The following RBL1 variants were observed in gnomAD, a reference collection of about 807,000 sequenced individuals.
RBL1 encodes the protein retinoblastoma-like protein 1.
In RBL1, 82 loss-of-function variants were observed where a neutral mutation model predicts 123.0. The observed-to-expected ratio is 0.67, with a 90% confidence interval of 0.56 to 0.80. RBL1 has a LOEUF of 0.80. Ranked by LOEUF, RBL1 falls within the 30% of genes least tolerant of loss-of-function variation. RBL1 has a pLI of 0.00. For missense variants in RBL1, 1,171 were observed against 1,299.6 expected (o/e 0.90, Z 1.52); for synonymous variants, 405 against 441.3 (o/e 0.92, Z 1.03).
intron 19 of RBL1, among the ~76,000 whole-genome samples, chr20:37,011,578 G>A (rs1439537286): frequency 1.3e-5 from 2 of 151,614 alleles, no homozygotes; most frequent in African/African-American, 2.4e-5. Context: ...GGGATTACAA[G>A]TGCTTACCAC....
intron 9 of RBL1, among the ~76,000 whole-genome samples, chr20:37,059,989 A>G (rs2065067942): frequency 6.6e-6 from 1 of 152,056 alleles, no homozygotes. Context: ...CTTGACCAAC[A>G]TGGAGAAACC....
At chr20:37,013,020 C>G (rs2146212749) in intron 19 of RBL1, among the ~76,000 whole-genome samples, 1 of 152,294 alleles carries the variant, frequency 6.6e-6, no homozygotes, top group African/African-American at 2.4e-5. Flanking sequence ...AGGGGCGCCT[C>G]TGCCCTGCTG....
intron 21 of RBL1, among the ~76,000 whole-genome samples, chr20:36,999,703 G>A (rs967901707): frequency 6.6e-5 from 10 of 152,322 alleles, no homozygotes; most frequent in Admixed American, 1.3e-4. Context: ...TGTGTTGGCC[G>A]GGCCGGTCTC....
chr20:37,003,516 A>T (rs1284669904), intron 21 of RBL1, 186 bp downstream of exon 21: 1 of 1,123,136 alleles, frequency 8.9e-7, no homozygotes, highest in East Asian at 3.3e-5. Context: ...CCATGTCAAT[A>T]ATAATGGATT....
chr20:37,037,519 T>G (rs1172236327), intron 14 of RBL1, among the ~76,000 whole-genome samples: 2 of 152,120 alleles, frequency 1.3e-5, no homozygotes, highest in Non-Finnish European at 2.9e-5. Flanking sequence ...TACTAAATAT[T>G]TTTACTATTT....
chr20:37,012,114 C>T (rs2064159549), intron 19 of RBL1, among the ~76,000 whole-genome samples: 1 of 152,244 alleles, frequency 6.6e-6, no homozygotes, highest in Non-Finnish European at 1.5e-5. Context: ...ATCCGCCAGC[C>T]TCGGCCTGCC....
intron 11 of RBL1, among the ~76,000 whole-genome samples, chr20:37,048,972 G>C (rs560259258): frequency 1.3e-5 from 2 of 151,384 alleles, no homozygotes; most frequent in Non-Finnish European, 2.9e-5. Flanking sequence ...GAGGCCGAGG[G>C]GGGTGGATTA....
chr20:37,023,166 G>T (rs575124633), intron 16 of RBL1, among the ~76,000 whole-genome samples: 2 of 151,852 alleles, frequency 1.3e-5, no homozygotes, highest in East Asian at 3.9e-4. Flanking sequence ...CTGTCACCCA[G>T]GCTGGAGTGC....
rs1309151164 is a variant in RBL1 at position 37,022,639 on chromosome 20, T to G, written c.2559+11A>C. Reference sequence around the variant, plus strand: ...ACCATGCCCAGCCTCTTCTCCCAATTTATACATTACCTTTGCCATGATATA... The same window carrying G: ...ACCATGCCCAGCCTCTTCTCCCAATGTATACATTACCTTTGCCATGATATA... On this transcript the variant is annotated intron_variant, in intron 17 of 21. Coordinates refer to ENST00000373664, the MANE Select transcript of RBL1 (RefSeq NM_002895.5). The G allele has an allele frequency of 6.3e-7, 1 of 1,594,596 alleles. No individual in the cohort carries two copies. The highest frequency in any genetic ancestry group is 1.7e-5 in the Admixed American group (1 of 58,044).
At chr20:37,050,989 A>G (rs545388670) in intron 11 of RBL1, among the ~76,000 whole-genome samples, 1 of 152,230 alleles carries the variant, frequency 6.6e-6, no homozygotes, top group South Asian at 2.1e-4. Context: ...ATGATTGTCA[A>G]TCTAGAATTC....
Position 37,026,146 on chromosome 20 carries a change from A to T in RBL1, c.2383-3320T>A, listed in dbSNP as rs573112416. Among the ~76,000 whole-genome samples, 8 of 152,330 alleles carry T rather than the reference A, an allele frequency of 5.3e-5. No individual in the cohort carries two copies. In the South Asian group the frequency reaches 1.7e-3, roughly 32 times the overall value. On this transcript the variant is annotated intron_variant, in intron 16 of 21. Coordinates refer to ENST00000373664, the MANE Select transcript of RBL1 (RefSeq NM_002895.5). Reference sequence around the variant, plus strand: ...TCTTGTTTAAGCTACTATTATTTTCAAACAGCTAAACTGAAATCTAAGAAA... The same window carrying T: ...TCTTGTTTAAGCTACTATTATTTTCTAACAGCTAAACTGAAATCTAAGAAA...
intron 1 of RBL1, among the ~76,000 whole-genome samples, chr20:37,089,412 A>AG (rs139596017): frequency 0.14 from 20,890 of 152,082 alleles, 1,491 homozygotes; most frequent in Non-Finnish European, 0.15. Flanking sequence ...GTAACTCGGG[A>AG]GGCTGAGGTG....
intron 1 of RBL1, among the ~76,000 whole-genome samples, chr20:37,093,699 T>A (rs2065684417): frequency 6.6e-6 from 1 of 150,668 alleles, no homozygotes; most frequent in Non-Finnish European, 1.5e-5. Flanking sequence ...TGGAGTGCAA[T>A]GGCGTGATCT....
chr20:37,089,879 C>T (rs1358012201), intron 1 of RBL1, among the ~76,000 whole-genome samples: 4 of 152,022 alleles, frequency 2.6e-5, no homozygotes, highest in African/African-American at 7.2e-5. Context: ...GGCAAAACTC[C>T]GTCTCTACTA....
At chr20:37,005,930 C>G (rs902684211) in intron 20 of RBL1, among the ~76,000 whole-genome samples, 6 of 114,434 alleles carry the variant, frequency 5.2e-5, no homozygotes, top group Admixed American at 1.2e-4. Flanking sequence ...GGGTCTTGCT[C>G]TGTTGCCCAG....
At position 37,068,204 on chromosome 20, in the gene RBL1, G is replaced by GAGAAAAA; in HGVS notation, c.291-25_291-19dup. The GAGAAAAA allele has an allele frequency of 6.5e-7, 1 of 1,532,406 alleles. No individual in the cohort carries two copies. The highest frequency in any genetic ancestry group is 8.7e-7 in the Non-Finnish European group (1 of 1,144,334). 94.9% of individuals were successfully genotyped at this position (1,532,406 alleles called of 1,614,324 possible). On this transcript the variant is annotated intron_variant, in intron 2 of 21. Coordinates refer to ENST00000373664, the MANE Select transcript of RBL1 (RefSeq NM_002895.5). The stretch of plus-strand genomic sequence containing the variant: ...GTATTAAACTAAAAAAAAAAAGGAG[G>GAGAAAAA]AGAAAAAAGGCACCTTTAAAATTCA...
intron 21 of RBL1, among the ~76,000 whole-genome samples, chr20:36,999,475 C>T (rs917709656): frequency 5.4e-5 from 8 of 147,322 alleles, no homozygotes; most frequent in African/African-American, 1.1e-4. Flanking sequence ...CCCTCTCCCT[C>T]CTCTCCCTCT....
rs963658494 is a variant in RBL1 at position 37,007,412 on chromosome 20, A to C, written c.2870T>G (p.Met957Arg). 6.2e-7 allele frequency: 1 copy of C among 1,613,384 alleles called. No homozygotes were observed. The highest frequency in any genetic ancestry group is 1.3e-5 in the African/African-American group (1 of 75,034). Residue 957 changes from methionine (M) to arginine (R), a missense_variant and splice_region_variant, in exon 20 of 22, where the codon ATG becomes AGG. Coordinates refer to ENST00000373664, the MANE Select transcript of RBL1 (RefSeq NM_002895.5). ...LKYDLANQDH[M>R]MDAPPLSPFP... The stretch of plus-strand genomic sequence containing the variant: ...AAAGTAGTAAAACATAGAACATACC[A>C]TATGGTCCTGATTCGCCAAGTCGTA...
intron 21 of RBL1, among the ~76,000 whole-genome samples, chr20:37,001,044 C>CCGG (rs1444423000): frequency 6.8e-6 from 1 of 146,196 alleles, no homozygotes; most frequent in African/African-American, 2.6e-5. Context: ...AGCCCCCCAC[C>CCGG]CGGCCAGCCG....
Sources: gnomAD v4.1 joint callset for allele counts (sites outside exome capture counted in the v4.1 genomes callset) on GRCh38, gnomAD v4.1.1 for gene constraint, MANE v1.5 for transcripts, NCBI Gene and HGNC (gene_info 2026-07-23, HGNC 2026-07-21) for gene names.